WDHD1: variants seen among roughly 807,000 people sequenced by gnomAD.
WDHD1 encodes WD repeat and HMG-box DNA-binding protein 1.
Under a neutral mutation model 135.4 loss-of-function variants are expected in WDHD1, and 111 were observed. The ratio of observed to expected loss-of-function variants is 0.82; its 90% CI spans 0.70 to 0.96. The LOEUF (loss-of-function observed/expected upper bound fraction) is 0.96, where lower values mean the gene tolerates loss of function less well. Ranked by LOEUF, WDHD1 falls within the 40% of genes least tolerant of loss-of-function variation. The pLI, the probability that WDHD1 is intolerant of heterozygous loss-of-function variation, is 0.00. For missense variants in WDHD1, 1,351 were observed against 1,336.3 expected (o/e 1.01, Z -0.17); for synonymous variants, 434 against 439.0 (o/e 0.99, Z 0.14).
chr14:54,986,975 C>T (rs2041704083), intron 14 of WDHD1, among the ~76,000 whole-genome samples, 171 bp downstream of exon 14: 2 of 152,154 alleles, frequency 1.3e-5, no homozygotes, highest in Admixed American at 6.6e-5. Flanking sequence ...TATTAAGAAA[C>T]ATTTTCATTT....
intron 4 of WDHD1, 21 bp from the exon 5 acceptor site, chr14:55,008,740 G>A (rs377007221): frequency 1.1e-5 from 17 of 1,524,840 alleles, no homozygotes; most frequent in Middle Eastern, 1.7e-4. Flanking sequence ...AAAGAGTAAC[G>A]CAAATGAATA....
Position 54,962,723 on chromosome 14 carries a change from G to C in WDHD1, c.2647+15C>G, listed in dbSNP as rs2041272073. 1 of 1,612,464 alleles carries C rather than the reference G, an allele frequency of 6.2e-7. No homozygotes were observed. Among genetic ancestry groups the C allele is most frequent in the Admixed American group, 1.7e-5 (1 of 59,980 alleles). Reference sequence around the variant, plus strand: ...GATAGTTCTCATGATTTATGGGCTTGAAAATGTATCTCACCAGGCTTATGT... The same window carrying C: ...GATAGTTCTCATGATTTATGGGCTTCAAAATGTATCTCACCAGGCTTATGT... On this transcript the variant is annotated intron_variant, in intron 20 of 25. Transcript: ENST00000360586.
intron 15 of WDHD1, among the ~76,000 whole-genome samples, chr14:54,984,009 AT>A (rs1240224333): frequency 1.3e-5 from 2 of 152,216 alleles, no homozygotes; most frequent in African/African-American, 4.8e-5. Context: ...TCTCAGCCAT[AT>A]TTCAAGTGCT....
At chr14:54,961,730 A>C (rs2041254601) in intron 21 of WDHD1, among the ~76,000 whole-genome samples, 2 of 152,200 alleles carry the variant, frequency 1.3e-5, no homozygotes, top group African/African-American at 4.8e-5. Context: ...TTAAAAAGTC[A>C]AATGGTACTA....
intron 4 of WDHD1, 66 bp from the exon 5 acceptor site, chr14:55,008,785 A>T (rs2042115230): frequency 9.0e-7 from 1 of 1,116,694 alleles, no homozygotes; most frequent in Non-Finnish European, 1.3e-6. Flanking sequence ...AAAAGCTATG[A>T]TCCAAATATT....
rs2041994049 is a variant in WDHD1, at chr14:55,002,488, T to C, written c.601-303A>G. Among the ~76,000 whole-genome samples, 3 of 152,074 alleles carry C rather than the reference T, an allele frequency of 2.0e-5. No individual in the cohort carries two copies. In the South Asian group the frequency reaches 6.2e-4, roughly 32 times the overall value. On this transcript the variant is annotated intron_variant, in intron 7 of 25. Coordinates refer to ENST00000360586, the MANE Select transcript of WDHD1 (RefSeq NM_007086.4). ...TGAAACTCAGAACATTACTTAAAAC[T>C]TCAATAAGCAAAAAATAGGTGATAA... is the stretch of plus-strand genomic sequence containing the variant.
At position 54,941,377 on chromosome 14, in the gene WDHD1, T is replaced by G; in HGVS notation, c.*113A>C. 3.5e-6 allele frequency: 3 copies of G among 848,002 alleles called. No homozygotes were observed. The highest frequency in any genetic ancestry group is 3.2e-5 in the Admixed American group (1 of 31,400). The allele number at this position is 848,002 out of a possible 1,614,324, so 52.5% of individuals were successfully genotyped here. A position where few individuals can be genotyped will look rare whatever the true frequency, so the allele number is the denominator to read the frequency against. The stretch of plus-strand genomic sequence containing the variant: ...TACATTATCTTATAAAGACAAACAG[T>G]TGCTTCAAACTCTTTAAAAAATATA... On this transcript the variant is annotated 3_prime_UTR_variant, in exon 26 of 26. Transcript: ENST00000360586.
In WDHD1 at chr14:54,944,355, C is replaced by T. The variant is rs765637858; in HGVS notation, c.3166G>A (p.Val1056Ile). ...IIKEGMIRFR[V>I]LSTEERKVWA... ...ACCTTTCTTTCTTCAGTTGACAATA[C>T]TCTAAATCGAATCATTCCTTCTTTT... Residue 1056 changes from valine to isoleucine, a missense_variant, in exon 25 of 26, where the codon GTA (valine) becomes ATA (isoleucine). Transcript: ENST00000360586. 2 of 1,606,914 alleles carry T rather than the reference C, an allele frequency of 1.2e-6. No homozygotes were observed. The highest frequency in any genetic ancestry group is 8.5e-7 in the Non-Finnish European group (1 of 1,178,626).
intron 16 of WDHD1, among the ~76,000 whole-genome samples, chr14:54,978,788 T>C (rs1435415971): frequency 6.6e-6 from 1 of 152,188 alleles, no homozygotes; most frequent in Non-Finnish European, 1.5e-5. Context: ...TGCCAACCAC[T>C]GTCTCCAGAA....
At chr14:55,006,317 T>C (rs372580967) in intron 7 of WDHD1, among the ~76,000 whole-genome samples, 1 of 152,212 alleles carries the variant, frequency 6.6e-6, no homozygotes, top group South Asian at 2.1e-4. Flanking sequence ...AAAAGTTTCT[T>C]TATATAGATC....
At chr14:54,974,543 A>T (rs1398836614) in intron 16 of WDHD1, among the ~76,000 whole-genome samples, 2 of 150,998 alleles carry the variant, frequency 1.3e-5, no homozygotes, top group East Asian at 3.9e-4. Context: ...ATGCCAAAAT[A>T]ATCAGGCGTG....
At position 54,939,231 on chromosome 14, in the gene WDHD1, A is replaced by C. The variant is rs1206203913; in HGVS notation, c.*2259T>G. 6.6e-6 allele frequency: 1 copy of C among 152,234 alleles called. No individual in the cohort carries two copies. The highest frequency in any genetic ancestry group is 1.5e-5 in the Non-Finnish European group (1 of 68,044). 9.4% of individuals were successfully genotyped at this position (152,234 alleles called of 1,614,324 possible). On this transcript the variant is annotated 3_prime_UTR_variant, in exon 26 of 26. Transcript: ENST00000360586. ...GGGCCCATAAGACAGTCACTGATTA[A>C]GATGCTTTCTACATGGATGGGCCTC...
intron 24 of WDHD1, among the ~76,000 whole-genome samples, chr14:54,947,918 G>T (rs909749249): frequency 6.6e-6 from 1 of 150,992 alleles, no homozygotes; most frequent in Admixed American, 6.6e-5. Context: ...AAATTTAACG[G>T]ATATATTAAA....
Position 54,957,086 on chromosome 14 carries a change from T to G in WDHD1, c.2864A>C (p.Asn955Thr). Residue 955 changes from asparagine to threonine, a missense_variant, in exon 23 of 26, where the codon AAT becomes ACT. Around this residue, in one of 2 missense-constraint regions of WDHD1, gnomAD observed 1,330 missense variants for 1,296.1 expected, o/e 1.03. Coordinates refer to ENST00000360586, the MANE Select transcript of WDHD1 (RefSeq NM_007086.4). ...AGGCTTTATAATGGGAGACTTTTCA[T>G]TATTTGTAGTTCGACTAAGTGCAGT... ...KSTALSRTTNNEKSPIIKPLI... is the reference protein window; with the variant it reads ...KSTALSRTTNTEKSPIIKPLI... The G allele has an allele frequency of 6.2e-7, 1 of 1,614,222 alleles. No individual in the cohort carries two copies. The highest frequency in any genetic ancestry group is 8.5e-7 in the Non-Finnish European group (1 of 1,180,030).
At chr14:54,953,744 T>C (rs554832112) in intron 24 of WDHD1, among the ~76,000 whole-genome samples, 1 of 152,214 alleles carries the variant, frequency 6.6e-6, no homozygotes, top group African/African-American at 2.4e-5. Context: ...AATGATAGAC[T>C]AGATTAAGAA....
intron 3 of WDHD1, among the ~76,000 whole-genome samples, chr14:55,012,194 T>A (rs537901466): frequency 6.6e-6 from 1 of 152,338 alleles, no homozygotes; most frequent in South Asian, 2.1e-4. Flanking sequence ...ATGTTGGTCA[T>A]TTACATTTTT....
intron 10 of WDHD1, among the ~76,000 whole-genome samples, chr14:54,998,769 C>A (rs117428315): frequency 0.025 from 3,762 of 152,178 alleles, 67 homozygotes; most frequent in South Asian, 0.04. Flanking sequence ...CCCAATTCTC[C>A]CAATATAGAT....
At chr14:55,008,095 G>A (rs940900427) in intron 6 of WDHD1, among the ~76,000 whole-genome samples, 4 of 152,094 alleles carry the variant, frequency 2.6e-5, no homozygotes, top group African/African-American at 9.7e-5. Flanking sequence ...TTAAATATAA[G>A]ATTATCATTC....
At chr14:55,016,480 G>A (rs1055289252) in intron 2 of WDHD1, among the ~76,000 whole-genome samples, 2 of 152,130 alleles carry the variant, frequency 1.3e-5, no homozygotes, top group African/African-American at 4.8e-5. Context: ...AAGAAGTCCC[G>A]AAGAAGCATC....
Sources: allele counts gnomAD v4.1 joint callset (sites outside exome capture counted in the v4.1 genomes callset), GRCh38; gene constraint gnomAD v4.1.1; regional missense constraint gnomAD v4.1.1; transcripts MANE v1.5; gene names NCBI Gene and HGNC (gene_info 2026-07-23, HGNC 2026-07-21).